The following OSBPL3 variants were observed in gnomAD, a reference collection of about 807,000 sequenced individuals.
OSBPL3 encodes the protein oxysterol binding protein like 3.
A neutral mutation model predicts 120.1 loss-of-function variants in OSBPL3; 65 were observed. That is an observed-to-expected ratio of 0.54 (90% CI 0.44 to 0.67). OSBPL3 has a LOEUF of 0.67. Ranked by LOEUF, OSBPL3 falls within the 30% of genes least tolerant of loss-of-function variation. The pLI is 0.00. For synonymous variants in OSBPL3, 416 were observed against 402.6 expected, an observed-to-expected ratio of 1.03 and a Z score of -0.40; for missense variants, 1,004 against 1,082.1, an observed-to-expected ratio of 0.93 and a Z score of 1.01.
At chr7:24,907,255 C>A (rs1808079240) in intron 1 of OSBPL3, among the ~76,000 whole-genome samples, 1 of 152,220 alleles carries the variant, frequency 6.6e-6, no homozygotes, top group African/African-American at 2.4e-5. Flanking sequence ...CTCTCCCCTG[C>A]TCCAAATTCC....
chr7:24,883,136 C>T lies in OSBPL3; in HGVS notation c.96+9241G>A, dbSNP rs1267071581. Among the ~76,000 whole-genome samples, 11 of 152,094 alleles carry T rather than the reference C, an allele frequency of 7.2e-5. No homozygotes were observed. Among genetic ancestry groups the T allele is most frequent in the Admixed American group, 3.9e-4 (6 of 15,274 alleles). Reference sequence around the variant, plus strand: ...TCACTACACAGGGCCCCAGGGACCACGGGGCCAAGATGTGCCAGGAATGTG... The same window carrying T: ...TCACTACACAGGGCCCCAGGGACCATGGGGCCAAGATGTGCCAGGAATGTG... On this transcript the variant is annotated intron_variant, in intron 2 of 22. Coordinates refer to ENST00000313367, the MANE Select transcript of OSBPL3 (RefSeq NM_015550.4). This position sits in a 1 kb window ranked among gnomAD's most constrained non-coding sequence, Gnocchi z 5.4.
rs1044863400 is a variant in OSBPL3, at chr7:24,854,389, G to A, written c.1028-1755C>T. On this transcript the variant is annotated intron_variant, in intron 10 of 22. Transcript: ENST00000313367. This position sits in a 1 kb window ranked among gnomAD's most constrained non-coding sequence, Gnocchi z 4.1. ...TTGACTTACTTCATTTAATAGCAAG[G>A]AGGACAACTAAACCTCTCTATATGT... 3.9e-5 allele frequency among the ~76,000 whole-genome samples: 6 copies of A among 152,000 alleles called. No individual in the cohort carries two copies. The highest frequency in any genetic ancestry group is 1.5e-4 in the African/African-American group (6 of 41,348).
At position 24,935,076 on chromosome 7, in the gene OSBPL3, G is replaced by A. The variant is rs191920975; in HGVS notation, c.-149-42455C>T. Among the ~76,000 whole-genome samples the A allele has an allele frequency of 4.5e-3, 679 of 152,172 alleles. 4 individuals carry two copies. The highest frequency in any genetic ancestry group is 4.1e-3 in the Non-Finnish European group (282 of 67,976). Reference sequence around the variant, plus strand: ...AGTAAAGAAAGGAAAACATCTCAATGCATAGAAAATTTGATAAATAATTTG... The same window carrying A: ...AGTAAAGAAAGGAAAACATCTCAATACATAGAAAATTTGATAAATAATTTG... On this transcript the variant is annotated intron_variant, in intron 1 of 22. Transcript: ENST00000313367.
rs140182514 is a variant in OSBPL3 at position 24,968,627 on chromosome 7, C to T, written c.-150+11259G>A. ...GGCCAGGCTAGTCTTGAACTCCTGACCTCAGGTGATTCGCCCACCTCGGCC... is the reference window on the plus strand; with the variant it reads ...GGCCAGGCTAGTCTTGAACTCCTGATCTCAGGTGATTCGCCCACCTCGGCC... On this transcript the variant is annotated intron_variant, in intron 1 of 22. Transcript: ENST00000313367. This position sits in a 1 kb window ranked among gnomAD's most constrained non-coding sequence, Gnocchi z 4.6. Among the ~76,000 whole-genome samples the T allele has an allele frequency of 0.026, 3,999 of 152,286 alleles. 154 individuals are homozygous for T. The highest frequency in any genetic ancestry group is 0.085 in the African/African-American group (3,539 of 41,548).
chr7:24,805,157 G>C lies in OSBPL3; in HGVS notation c.2445-720C>G, dbSNP rs932196769. 1.3e-5 allele frequency among the ~76,000 whole-genome samples: 2 copies of C among 152,196 alleles called. No individual in the cohort carries two copies. The highest frequency in any genetic ancestry group is 4.8e-5 in the African/African-American group (2 of 41,442). ...GTGAGTGTGTAATTTATATATTACT[G>C]AACTGCCCTTTATGGGGATCATACC... On this transcript the variant is annotated intron_variant, in intron 21 of 22. Coordinates refer to ENST00000313367, the MANE Select transcript of OSBPL3 (RefSeq NM_015550.4). The surrounding 1 kb of genome is among the most constrained non-coding windows in gnomAD (Gnocchi z 4.0).
rs1816361076 is a variant in OSBPL3, at chr7:24,966,211, T to TC, written c.-150+13674dup. On this transcript the variant is annotated intron_variant, in intron 1 of 22. Coordinates refer to ENST00000313367, the MANE Select transcript of OSBPL3 (RefSeq NM_015550.4). This position sits in a 1 kb window ranked among gnomAD's most constrained non-coding sequence, Gnocchi z 4.8. ...GGAAGTTCTTAGCCGCGAAGAGAAA[T>TC]CCAGCACCTGCGGAGACCACACACT... Among the ~76,000 whole-genome samples, 1 of 152,154 alleles carries TC rather than the reference T, an allele frequency of 6.6e-6. No individual in the cohort carries two copies. The highest frequency in any genetic ancestry group is 1.5e-5 in the Non-Finnish European group (1 of 68,040).
At position 24,870,787 on chromosome 7, in the gene OSBPL3, T is replaced by C; in HGVS notation, c.326A>G (p.Lys109Arg). 1.2e-6 allele frequency: 2 copies of C among 1,613,942 alleles called. No individual in the cohort carries two copies. Among genetic ancestry groups the C allele is most frequent in the Non-Finnish European group, 1.7e-6 (2 of 1,179,786 alleles). Residue 109 changes from lysine to arginine, a missense_variant, in exon 5 of 23, where the codon AAG becomes AGG. Transcript: ENST00000313367. ...AAGGTCTATGCATTTTGATGACTTCTTTACAGACATCACTGAGAGCCCGAC... is the reference window on the plus strand; with the variant it reads ...AAGGTCTATGCATTTTGATGACTTCCTTACAGACATCACTGAGAGCCCGAC... The part of the protein sequence containing the change: ...IDVGLSVMSV[K>R]KSSKCIDLDT...
rs1268052230 is a variant in OSBPL3 at position 24,922,082 on chromosome 7, T to C, written c.-149-29461A>G. Among the ~76,000 whole-genome samples, 1 of 152,218 alleles carries C rather than the reference T, an allele frequency of 6.6e-6. No individual in the cohort carries two copies. The highest frequency in any genetic ancestry group is 1.5e-5 in the Non-Finnish European group (1 of 68,032). ...TGGAATCTCTATACTTCTAACATTGTTAGTATTGTGAATGCAATTTACTTT... is the reference window on the plus strand; with the variant it reads ...TGGAATCTCTATACTTCTAACATTGCTAGTATTGTGAATGCAATTTACTTT... On this transcript the variant is annotated intron_variant, in intron 1 of 22. Coordinates refer to ENST00000313367, the MANE Select transcript of OSBPL3 (RefSeq NM_015550.4). This position sits in a 1 kb window ranked among gnomAD's most constrained non-coding sequence, Gnocchi z 4.3.
In OSBPL3 at chr7:24,936,595, T is replaced by G. The variant is rs190859048; in HGVS notation, c.-150+43291A>C. The stretch of plus-strand genomic sequence containing the variant: ...AGCTGTGGGCCTTGAAACCTCCTAT[T>G]TGGGCTTCTGCCAGGTGGCAAAGAG... On this transcript the variant is annotated intron_variant, in intron 1 of 22. Transcript: ENST00000313367. This position sits in a 1 kb window ranked among gnomAD's most constrained non-coding sequence, Gnocchi z 4.2. Among the ~76,000 whole-genome samples, 1 of 152,276 alleles carries G rather than the reference T, an allele frequency of 6.6e-6. No homozygotes were observed. Among genetic ancestry groups the G allele is most frequent in the East Asian group, 1.9e-4 (1 of 5,184 alleles).
In OSBPL3 at chr7:24,830,559, G is replaced by A. The variant is rs181383239; in HGVS notation, c.1884+209C>T. Reference sequence around the variant, plus strand: ...GCAATGCATGTAGCCAAGCAAGTGTGCAGAATTACGGGTGGTAACTTTATG... The same window carrying A: ...GCAATGCATGTAGCCAAGCAAGTGTACAGAATTACGGGTGGTAACTTTATG... On this transcript the variant is annotated intron_variant, in intron 16 of 22. Transcript: ENST00000313367. This position sits in a 1 kb window ranked among gnomAD's most constrained non-coding sequence, Gnocchi z 4.4. 2.4e-3 allele frequency among the ~76,000 whole-genome samples: 365 copies of A among 152,296 alleles called. 1 individual carries two copies. The highest frequency in any genetic ancestry group is 8.0e-3 in the African/African-American group (332 of 41,550).
chr7:24,823,076 G>A (rs1795301496), intron 16 of OSBPL3, among the ~76,000 whole-genome samples: 1 of 152,118 alleles, frequency 6.6e-6, no homozygotes, highest in African/African-American at 2.4e-5. Flanking sequence ...CATCTGCCAT[G>A]TGCTGCACTA....
At position 24,938,433 on chromosome 7, in the gene OSBPL3, T is replaced by C. The variant is rs532664903; in HGVS notation, c.-150+41453A>G. Among the ~76,000 whole-genome samples the C allele has an allele frequency of 1.3e-5, 2 of 152,330 alleles. No individual in the cohort carries two copies. Among genetic ancestry groups the C allele is most frequent in the South Asian group, 2.1e-4 (1 of 4,830 alleles). On this transcript the variant is annotated intron_variant, in intron 1 of 22. Transcript: ENST00000313367. The surrounding 1 kb of genome is among the most constrained non-coding windows in gnomAD (Gnocchi z 5.8). ...TGTTATAGCAGCCTGAACTACTACA[T>C]TGCCACATGAAAATCCACAGGTAGG...
chr7:24,979,550 G>T (rs555100109), intron 1 of OSBPL3, among the ~76,000 whole-genome samples: 3 of 152,280 alleles, frequency 2.0e-5, no homozygotes, highest in South Asian at 4.1e-4. Context: ...GCGCCTCCCC[G>T]CTGCCCAGGA....
At position 24,830,876 on chromosome 7, in the gene OSBPL3, C is replaced by T. The variant is rs759709109; in HGVS notation, c.1776G>A (p.Ala592=). The T allele has an allele frequency of 6.2e-6, 10 of 1,612,902 alleles. No homozygotes were observed. Among genetic ancestry groups the T allele is most frequent in the South Asian group, 1.1e-5 (1 of 90,674 alleles). ...MVYVAAFAIS[A]YASSYYRAGS... is the part of the protein sequence containing the mutation. ...CAGCTCGGTAGTAGCTAGATGCATA[C>T]GCTGATATGGCAAAGGCTGCCACAT... Residue 592 remains alanine (A), a synonymous_variant, in exon 16 of 23, where the codon GCG becomes GCA. Transcript: ENST00000313367. The surrounding 1 kb of genome is among the most constrained non-coding windows in gnomAD (Gnocchi z 4.4).
chr7:24,834,518 C>T lies in OSBPL3; in HGVS notation c.1714G>A (p.Ala572Thr). ...TCCAGGGGGCTGGGAATCTGCGCGG[C>T]CTTGTCCAGGAGCTCGCTGTACTCC... Reference protein sequence around the residue: ...ELEYSELLDKAAQIPSPLERM... With the variant: ...ELEYSELLDKTAQIPSPLERM... Residue 572 changes from alanine to threonine, a missense_variant, in exon 15 of 23, where the codon GCC becomes ACC. By Grantham distance (58) the Ala-to-Thr change is moderately conservative. Around this residue, in one of 4 missense-constraint regions of OSBPL3, gnomAD observed 473 missense variants for 568.0 expected, o/e 0.83. Coordinates refer to ENST00000313367, the MANE Select transcript of OSBPL3 (RefSeq NM_015550.4). This position sits in a 1 kb window ranked among gnomAD's most constrained non-coding sequence, Gnocchi z 5.2. The T allele has an allele frequency of 6.2e-7, 1 of 1,613,626 alleles. No homozygotes were observed. Among genetic ancestry groups the T allele is most frequent in the Non-Finnish European group, 8.5e-7 (1 of 1,179,724 alleles).
At chr7:24,828,890 A>G (rs1346065632) in intron 16 of OSBPL3, among the ~76,000 whole-genome samples, 2 of 152,170 alleles carry the variant, frequency 1.3e-5, no homozygotes, top group African/African-American at 2.4e-5. Context: ...AGCACATTCT[A>G]AACTACTAAC....
At position 24,967,263 on chromosome 7, in the gene OSBPL3, T is replaced by A. The variant is rs1816497369; in HGVS notation, c.-150+12623A>T. On this transcript the variant is annotated intron_variant, in intron 1 of 22. Coordinates refer to ENST00000313367, the MANE Select transcript of OSBPL3 (RefSeq NM_015550.4). The surrounding 1 kb of genome is among the most constrained non-coding windows in gnomAD (Gnocchi z 5.6). Reference sequence around the variant, plus strand: ...CTCAAAACATTCTGTGGCTCTCCAATGGCCAGAGGATGAAGTAGCCATGCA... The same window carrying A: ...CTCAAAACATTCTGTGGCTCTCCAAAGGCCAGAGGATGAAGTAGCCATGCA... Among the ~76,000 whole-genome samples, 1 of 152,236 alleles carries A rather than the reference T, an allele frequency of 6.6e-6. No individual in the cohort carries two copies. The highest frequency in any genetic ancestry group is 1.5e-5 in the Non-Finnish European group (1 of 68,044).
intron 13 of OSBPL3, among the ~76,000 whole-genome samples, chr7:24,841,997 A>G (rs965562035): frequency 4.6e-5 from 7 of 151,898 alleles, no homozygotes; most frequent in African/African-American, 1.5e-4. Context: ...TGGACAACAG[A>G]GCGAGGCTCT....
chr7:24,973,853 C>T lies in OSBPL3; in HGVS notation c.-150+6033G>A, dbSNP rs1817290702. 3.9e-5 allele frequency among the ~76,000 whole-genome samples: 6 copies of T among 152,230 alleles called. No homozygotes were observed. In the South Asian group the frequency reaches 1.2e-3, roughly 32 times the overall value. ...AAAAGATGACTTTGATATTTCTAAA[C>T]TTTTTATGATGAAAAATTTCAAACA... On this transcript the variant is annotated intron_variant, in intron 1 of 22. Transcript: ENST00000313367.
Sources: gnomAD v4.1 joint callset for allele counts (sites outside exome capture counted in the v4.1 genomes callset) on GRCh38, gnomAD v4.1.1 for gene constraint, gnomAD v4.1.1 regional missense constraint, Gnocchi (gnomAD v3.1) non-coding constraint, MANE v1.5 for transcripts, NCBI Gene and HGNC (gene_info 2026-07-23, HGNC 2026-07-21) for gene names.